CEP63: variants seen among roughly 807,000 people sequenced by gnomAD.
CEP63 encodes the protein centrosomal protein of 63 kDa.
Under a neutral mutation model 89.1 loss-of-function variants are expected in CEP63, and 84 were observed. The observed-to-expected ratio is 0.94, with a 90% CI of 0.79 to 1.13. The LOEUF (loss-of-function observed/expected upper bound fraction) is 1.13. Ranked by LOEUF, CEP63 falls within the 50% of genes most tolerant of loss-of-function variation. CEP63 has a pLI of 0.00. For synonymous variants in CEP63, 267 were observed against 272.5 expected (o/e 0.98, Z 0.20); for missense variants, 838 against 813.3 (o/e 1.03, Z -0.37).
the CEP63 span, among the ~76,000 whole-genome samples, chr3:134,721,906 T>A: frequency 6.6e-6 from 1 of 152,150 alleles, no homozygotes; most frequent in African/African-American, 2.4e-5. Context: ...TCTATATTTA[T>A]AAGAGATCTT....
the CEP63 span, among the ~76,000 whole-genome samples, chr3:134,729,262 C>T: frequency 6.6e-6 from 1 of 152,118 alleles, no homozygotes; most frequent in Non-Finnish European, 1.5e-5. Flanking sequence ...GGGGTAATCC[C>T]TTTTATTAAG....
At chr3:134,610,448 G>A in the CEP63 span, 1 of 1,429,214 alleles carries the variant, frequency 7.0e-7, no homozygotes, top group East Asian at 2.3e-5. Flanking sequence ...GTCTGTCCAT[G>A]GTCTCAGGTT....
intron 10 of CEP63, among the ~76,000 whole-genome samples, chr3:134,582,818 C>A (rs571050235): frequency 6.6e-6 from 1 of 152,334 alleles, no homozygotes; most frequent in Non-Finnish European, 1.5e-5. Flanking sequence ...ACTTCTATTT[C>A]TCCACATCCT....
At chr3:134,704,690 G>A in the CEP63 span, among the ~76,000 whole-genome samples, 1 of 152,236 alleles carries the variant, frequency 6.6e-6, no homozygotes, top group Non-Finnish European at 1.5e-5. Context: ...CAGACACTGG[G>A]CAGTGCACCT....
the CEP63 span, among the ~76,000 whole-genome samples, chr3:134,697,469 C>T: frequency 6.6e-6 from 1 of 152,148 alleles, no homozygotes; most frequent in Non-Finnish European, 1.5e-5. Context: ...GGGCTGTGTA[C>T]AGGTCCTACA....
At chr3:134,730,782 A>G in the CEP63 span, among the ~76,000 whole-genome samples, 2 of 152,144 alleles carry the variant, frequency 1.3e-5, no homozygotes, top group Non-Finnish European at 2.9e-5. Flanking sequence ...AATATCTACA[A>G]TCACAACATA....
chr3:134,751,881 G>T, the CEP63 span, among the ~76,000 whole-genome samples: 1 of 152,134 alleles, frequency 6.6e-6, no homozygotes, highest in Non-Finnish European at 1.5e-5. Context: ...GGAAAAAAAA[G>T]TCTGGGCTCC....
At chr3:134,486,252 C>T (rs1935282179) in intron 1 of CEP63, 50 bp downstream of exon 1, 2 of 985,578 alleles carry the variant, frequency 2.0e-6, no homozygotes, top group Non-Finnish European at 2.4e-6. Context: ...CTGTAACCGC[C>T]GGTGCGCAAG....
At chr3:134,618,959 G>T in the CEP63 span, among the ~76,000 whole-genome samples, 1 of 152,216 alleles carries the variant, frequency 6.6e-6, no homozygotes, top group African/African-American at 2.4e-5. Context: ...AAGCCCGGCA[G>T]ATGGTACAAA....
chr3:134,500,764 C>T (rs1038402942), intron 2 of CEP63, among the ~76,000 whole-genome samples: 131 of 152,202 alleles, frequency 8.6e-4, no homozygotes, highest in African/African-American at 3.0e-3. Flanking sequence ...TTTGCAAATA[C>T]GTTCTCTCAT....
At chr3:134,642,363 C>T in the CEP63 span, among the ~76,000 whole-genome samples, 1 of 152,152 alleles carries the variant, frequency 6.6e-6, no homozygotes, top group African/African-American at 2.4e-5. Context: ...TCAGAGCAAG[C>T]GTGATGAACT....
chr3:134,610,046 C>A, the CEP63 span: 2 of 821,866 alleles, frequency 2.4e-6, no homozygotes, highest in South Asian at 3.6e-5. Flanking sequence ...TGGAGCCAGC[C>A]CACTTCAGAG....
downstream of CEP63, among the ~76,000 whole-genome samples, chr3:134,577,237 C>A (rs1958236296): frequency 8.7e-6 from 1 of 114,750 alleles, no homozygotes; most frequent in Non-Finnish European, 1.9e-5. Flanking sequence ...AGAACCAAAG[C>A]CAAAAAACTT....
rs774122484 is a variant in CEP63, at chr3:134,561,737, A to G, written c.*202A>G. The G allele has an allele frequency of 2.9e-6, 4 of 1,391,750 alleles. No homozygotes were observed. Among genetic ancestry groups the G allele is most frequent in the East Asian group, 2.8e-5 (1 of 36,242 alleles). 86.2% of individuals were successfully genotyped at this position (1,391,750 alleles called of 1,614,324 possible). A position where few individuals can be genotyped will look rare whatever the true frequency, so the allele number is the denominator to read the frequency against. On this transcript the variant is annotated 3_prime_UTR_variant, in exon 15 of 15. Transcript: ENST00000675561. ...TTTGTTTAAAGGACTTCTTCCAGCAATAAGTTGAAAGAATAAACCACTTTG... is the reference window on the plus strand; with the variant it reads ...TTTGTTTAAAGGACTTCTTCCAGCAGTAAGTTGAAAGAATAAACCACTTTG...
the CEP63 span, among the ~76,000 whole-genome samples, chr3:134,660,895 G>C: frequency 1.3e-5 from 2 of 152,160 alleles, no homozygotes; most frequent in Non-Finnish European, 2.9e-5. Context: ...GAAGGGGCAA[G>C]TAAGTCCTCA....
chr3:134,555,265 C>G (rs1201481909), intron 12 of CEP63, among the ~76,000 whole-genome samples: 1 of 152,132 alleles, frequency 6.6e-6, no homozygotes, highest in Non-Finnish European at 1.5e-5. Context: ...GTTGGAAGTT[C>G]TGGCCAGGGC....
intron 2 of CEP63, among the ~76,000 whole-genome samples, chr3:134,503,218 A>G (rs1461651884): frequency 1.4e-5 from 2 of 143,142 alleles, no homozygotes; most frequent in African/African-American, 5.2e-5. Flanking sequence ...TTGTATTTTC[A>G]TTTTCATTTG....
At chr3:134,538,551 A>ATG (rs1553770459) in intron 6 of CEP63, among the ~76,000 whole-genome samples, 14 of 141,472 alleles carry the variant, frequency 9.9e-5, no homozygotes, top group Non-Finnish European at 4.6e-5. Flanking sequence ...ATATATATAT[A>ATG]TATGTATATA....
chr3:134,713,253 G>A, the CEP63 span, among the ~76,000 whole-genome samples: 1 of 152,054 alleles, frequency 6.6e-6, no homozygotes, highest in Non-Finnish European at 1.5e-5. Flanking sequence ...CTCCACTATG[G>A]AACCCAGGGG....
Sources: allele counts gnomAD v4.1 joint callset (sites outside exome capture counted in the v4.1 genomes callset), GRCh38; gene constraint gnomAD v4.1.1; transcripts MANE v1.5; gene names NCBI Gene and HGNC (gene_info 2026-07-23, HGNC 2026-07-21).